The following COL5A2 variants were observed in gnomAD, a reference collection of about 807,000 sequenced individuals.
COL5A2 encodes the protein collagen alpha-2(V) chain.
Under a neutral mutation model 208.2 loss-of-function variants are expected in COL5A2, and 23 were observed. The ratio of observed to expected loss-of-function variants is 0.11; its 90% CI spans 0.08 to 0.16. The LOEUF is 0.16. COL5A2 is among the 10% of genes least tolerant of loss of function. COL5A2 has a pLI of 1.00. For missense variants in COL5A2, 1,590 were observed against 1,956.4 expected (o/e 0.81, Z 3.53); for synonymous variants, 625 against 628.5 (o/e 0.99, Z 0.08).
At chr2:189,368,367 C>A in the COL5A2 span, among the ~76,000 whole-genome samples, 2 of 152,214 alleles carry the variant, frequency 1.3e-5, no homozygotes, top group African/African-American at 4.8e-5. Flanking sequence ...GCTGATCCAA[C>A]TTCAAGTGCT....
At chr2:189,172,794 A>G (rs1481763812) in intron 1 of COL5A2, among the ~76,000 whole-genome samples, 2 of 152,108 alleles carry the variant, frequency 1.3e-5, no homozygotes, top group Non-Finnish European at 2.9e-5. Flanking sequence ...ATCTCAAATA[A>G]AAGGTAAAAA....
At chr2:189,432,422 G>A in the COL5A2 span, among the ~76,000 whole-genome samples, 1 of 152,166 alleles carries the variant, frequency 6.6e-6, no homozygotes, top group Admixed American at 6.5e-5. Flanking sequence ...TCAGTGTGCT[G>A]TATTCAGGAG....
At chr2:189,104,338 A>T in intron 2 of COL5A2, 61 bp from the exon 3 acceptor site, 1 of 1,112,242 alleles carries the variant, frequency 9.0e-7, no homozygotes, top group Non-Finnish European at 1.4e-6. Context: ...AGAATCTGCT[A>T]AATATTTACT....
intron 8 of COL5A2, among the ~76,000 whole-genome samples, chr2:189,087,668 C>G (rs1164326519): frequency 1.4e-5 from 2 of 146,212 alleles, no homozygotes; most frequent in African/African-American, 5.1e-5. Flanking sequence ...AGGGTTTCAT[C>G]GTGTTAGCCA....
At chr2:189,275,860 A>G in the COL5A2 span, among the ~76,000 whole-genome samples, 2 of 152,150 alleles carry the variant, frequency 1.3e-5, no homozygotes, top group African/African-American at 2.4e-5. Context: ...GATTACTATT[A>G]GTTTACTCTG....
At chr2:189,246,608 C>A in the COL5A2 span, among the ~76,000 whole-genome samples, 1 of 152,112 alleles carries the variant, frequency 6.6e-6, no homozygotes, top group Non-Finnish European at 1.5e-5. Context: ...GGCTGAGAAA[C>A]CTCATAGAAA....
At chr2:189,098,222 G>T (rs189782664) in intron 5 of COL5A2, among the ~76,000 whole-genome samples, 1 of 152,320 alleles carries the variant, frequency 6.6e-6, no homozygotes, top group Admixed American at 6.5e-5. Context: ...CTGATTTGAT[G>T]TGTTTAACAT....
At chr2:189,083,864 CA>C in intron 12 of COL5A2, 119 bp downstream of exon 12, 1 of 785,218 alleles carries the variant, frequency 1.3e-6, no homozygotes, top group Non-Finnish European at 2.2e-6. Context: ...TTTACGGAAA[CA>C]AACAATGCTG....
chr2:189,138,868 CTA>C (rs1687876742), intron 1 of COL5A2, among the ~76,000 whole-genome samples: 1 of 152,140 alleles, frequency 6.6e-6, no homozygotes, highest in Admixed American at 6.5e-5. Flanking sequence ...AAATAAATAT[CTA>C]TGAGTCCATA....
the COL5A2 span, among the ~76,000 whole-genome samples, chr2:189,370,468 A>G: frequency 2.0e-5 from 3 of 152,122 alleles, no homozygotes; most frequent in Admixed American, 6.6e-5. Flanking sequence ...AGCAACATAA[A>G]CTTTTGATAT....
chr2:189,314,647 G>A, the COL5A2 span, among the ~76,000 whole-genome samples: 24 of 152,078 alleles, frequency 1.6e-4, no homozygotes, highest in African/African-American at 5.8e-4. Flanking sequence ...AAATCCAGGA[G>A]CTAGTTTTTT....
chr2:189,259,717 T>G, the COL5A2 span, among the ~76,000 whole-genome samples: 1 of 152,170 alleles, frequency 6.6e-6, no homozygotes, highest in African/African-American at 2.4e-5. Flanking sequence ...CTAGGAGATA[T>G]TTGGCTACGT....
the COL5A2 span, among the ~76,000 whole-genome samples, chr2:189,299,568 G>A: frequency 6.6e-6 from 1 of 152,138 alleles, no homozygotes; most frequent in Non-Finnish European, 1.5e-5. Flanking sequence ...AGTCATTTTA[G>A]GACATGAAAT....
chr2:189,060,138 A>G (rs1392463463), intron 31 of COL5A2, among the ~76,000 whole-genome samples: 3 of 152,144 alleles, frequency 2.0e-5, no homozygotes, highest in Non-Finnish European at 4.4e-5. Flanking sequence ...AACCTTTCCT[A>G]AAACCCCCAA....
chr2:189,082,681 AC>A (rs1686561265), intron 12 of COL5A2, among the ~76,000 whole-genome samples: 1 of 152,214 alleles, frequency 6.6e-6, no homozygotes, highest in African/African-American at 2.4e-5. Context: ...CATTCTGCTG[AC>A]CCAGGACTGT....
the COL5A2 span, among the ~76,000 whole-genome samples, chr2:189,328,251 G>T: frequency 1.3e-5 from 2 of 152,266 alleles, no homozygotes; most frequent in South Asian, 4.1e-4. Flanking sequence ...ATACTTCCAT[G>T]AGCAAACCAC....
intron 1 of COL5A2, among the ~76,000 whole-genome samples, chr2:189,157,116 C>CTATATATCTATATCTATATATA (rs1375868865): frequency 2.3e-4 from 11 of 46,886 alleles, no homozygotes; most frequent in African/African-American, 3.9e-4. Flanking sequence ...ATAGATATAT[C>CTATATATCTATATCTATATATA]GATATATCTA....
the COL5A2 span, among the ~76,000 whole-genome samples, chr2:189,235,118 T>C: frequency 6.6e-6 from 1 of 151,724 alleles, no homozygotes; most frequent in Admixed American, 6.6e-5. Context: ...ATATATCAAT[T>C]TGGACTGCCA....
At chr2:189,100,864 G>C (rs1359447132) in intron 3 of COL5A2, among the ~76,000 whole-genome samples, 1 of 152,014 alleles carries the variant, frequency 6.6e-6, no homozygotes, top group Admixed American at 6.6e-5. Context: ...GATGTAGATA[G>C]AATTTATTTT....
Sources: gnomAD v4.1 joint callset for allele counts (sites outside exome capture counted in the v4.1 genomes callset) on GRCh38, gnomAD v4.1.1 for gene constraint, MANE v1.5 for transcripts, NCBI Gene and HGNC (gene_info 2026-07-23, HGNC 2026-07-21) for gene names.